The following PPP4R2 variants were observed in gnomAD, a reference collection of about 807,000 sequenced individuals.
PPP4R2 encodes the protein protein phosphatase 4 regulatory subunit 2.
Under a neutral mutation model 47.2 loss-of-function variants are expected in PPP4R2, and 13 were observed. The ratio of observed to expected loss-of-function variants is 0.28; its 90% confidence interval spans 0.18 to 0.44. The LOEUF is 0.44. PPP4R2 is among the 20% of genes least tolerant of loss of function. The pLI is 1.00. For missense variants in PPP4R2, 421 were observed against 491.2 expected (o/e 0.86, Z 1.35); for synonymous variants, 151 against 163.3 (o/e 0.92, Z 0.57).
chr3:73,051,774 C>T (rs889507791), intron 3 of PPP4R2, among the ~76,000 whole-genome samples: 15 of 152,034 alleles, frequency 9.9e-5, no homozygotes, highest in Admixed American at 2.0e-4. Flanking sequence ...TACAGGCACC[C>T]GCCACCACGC....
At chr3:73,020,817 C>T (rs374538239) in intron 2 of PPP4R2, among the ~76,000 whole-genome samples, 5 of 151,918 alleles carry the variant, frequency 3.3e-5, no homozygotes, top group African/African-American at 7.3e-5. Flanking sequence ...TGTGATCTAC[C>T]GTGCCTGGTG....
chr3:73,038,557 G>T (rs1047503372), intron 2 of PPP4R2, among the ~76,000 whole-genome samples: 5 of 151,918 alleles, frequency 3.3e-5, no homozygotes, highest in African/African-American at 1.2e-4. Context: ...CACCAAGCCT[G>T]GCTAATTTTT....
Position 73,015,406 on chromosome 3 carries a change from G to GC in PPP4R2, c.116+17250dup, listed in dbSNP as rs554867784. On this transcript the variant is annotated intron_variant, in intron 2 of 8. Coordinates refer to ENST00000356692, the MANE Select transcript of PPP4R2 (RefSeq NM_174907.4). ...TGGCCATGCTGGTCTTGAACTCCTG[G>GC]CCTCAAGTAATCCACCCGCGTTGGC... Among the ~76,000 whole-genome samples, 40 of 151,642 alleles carry GC rather than the reference G, an allele frequency of 2.6e-4. No individual in the cohort carries two copies. In the East Asian group the frequency reaches 7.6e-3, roughly 29 times the overall value.
At chr3:73,001,137 A>C (rs1388236438) in intron 2 of PPP4R2, among the ~76,000 whole-genome samples, 1 of 152,186 alleles carries the variant, frequency 6.6e-6, no homozygotes, top group Non-Finnish European at 1.5e-5. Context: ...ATGGCATTTC[A>C]AGACTACAAT....
intron 6 of PPP4R2, 75 bp downstream of exon 6, chr3:73,063,822 T>A: frequency 8.1e-7 from 1 of 1,230,232 alleles, no homozygotes; most frequent in South Asian, 1.3e-5. Flanking sequence ...GTGTACTTTT[T>A]AAAAATTGGG....
At chr3:73,061,226 T>C in intron 5 of PPP4R2, 166 bp downstream of exon 5, 1 of 337,752 alleles carries the variant, frequency 3.0e-6, no homozygotes, top group Non-Finnish European at 5.2e-6. Context: ...ATATTACTAA[T>C]AACATTATCT....
intron 2 of PPP4R2, among the ~76,000 whole-genome samples, chr3:73,045,910 A>G (rs1040827560): frequency 2.6e-5 from 4 of 152,152 alleles, no homozygotes; most frequent in Non-Finnish European, 5.9e-5. Flanking sequence ...AAATAAAGGT[A>G]TTGTTCTTTG....
intron 2 of PPP4R2, among the ~76,000 whole-genome samples, chr3:73,022,993 G>A (rs1180515797): frequency 6.6e-6 from 1 of 152,058 alleles, no homozygotes; most frequent in East Asian, 1.9e-4. Flanking sequence ...AGACAGTTTA[G>A]TATGTTGCTT....
chr3:73,059,701 G>A (rs1301880733), intron 4 of PPP4R2, among the ~76,000 whole-genome samples: 1 of 152,068 alleles, frequency 6.6e-6, no homozygotes, highest in Non-Finnish European at 1.5e-5. Flanking sequence ...CACTTTGGGA[G>A]GCTGAGGTGG....
intron 2 of PPP4R2, among the ~76,000 whole-genome samples, chr3:73,003,922 A>T (rs1403547286): frequency 6.6e-6 from 1 of 151,504 alleles, no homozygotes; most frequent in Non-Finnish European, 1.5e-5. Flanking sequence ...CTGGTCTCGA[A>T]CTCCTGACCT....
chr3:73,062,512 G>C (rs188731444), intron 5 of PPP4R2: 2 of 1,613,860 alleles, frequency 1.2e-6, no homozygotes, highest in Non-Finnish European at 1.7e-6. Flanking sequence ...CTGAGTGTTG[G>C]TGTGAGCAAG....
At chr3:73,048,097 G>C (rs919530881) in intron 3 of PPP4R2, among the ~76,000 whole-genome samples, 3 of 151,970 alleles carry the variant, frequency 2.0e-5, no homozygotes, top group South Asian at 4.2e-4. Context: ...GGATGGTCTC[G>C]ATCTCCTGAC....
chr3:73,003,670 TAATTG>T (rs1701532599), intron 2 of PPP4R2, among the ~76,000 whole-genome samples: 1 of 151,446 alleles, frequency 6.6e-6, no homozygotes, highest in Admixed American at 6.6e-5. Context: ...GAAAAGCGGC[TAATTG>T]AAACAATATT....
intron 3 of PPP4R2, among the ~76,000 whole-genome samples, chr3:73,054,223 C>T (rs539461667): frequency 9.9e-5 from 15 of 152,248 alleles, no homozygotes; most frequent in Admixed American, 6.5e-4. Flanking sequence ...CAGCTAATTT[C>T]GCCTCTTTTA....
chr3:73,047,898 A>G (rs909380252), intron 3 of PPP4R2, among the ~76,000 whole-genome samples: 18 of 152,174 alleles, frequency 1.2e-4, no homozygotes, highest in African/African-American at 4.3e-4. Context: ...TGTTTTTGAG[A>G]AGGTGTCTCG....
intron 2 of PPP4R2, among the ~76,000 whole-genome samples, chr3:73,018,761 T>C (rs1475879954): frequency 6.6e-6 from 1 of 152,204 alleles, no homozygotes; most frequent in African/African-American, 2.4e-5. Flanking sequence ...ATGTTCTTCC[T>C]TATGGGATAC....
intron 3 of PPP4R2, among the ~76,000 whole-genome samples, chr3:73,048,664 A>G (rs1031967829): frequency 2.6e-5 from 4 of 152,252 alleles, no homozygotes; most frequent in Non-Finnish European, 4.4e-5. Context: ...AACAATACCA[A>G]ATATAATGAA....
chr3:73,035,731 TCTC>T (rs958432732), intron 2 of PPP4R2, among the ~76,000 whole-genome samples: 18 of 152,028 alleles, frequency 1.2e-4, no homozygotes, highest in Non-Finnish European at 2.4e-4. Context: ...TTCAAGTGAT[TCTC>T]CTGCTTCGGC....
At chr3:73,062,446 T>G in intron 5 of PPP4R2, 1 of 1,612,100 alleles carries the variant, frequency 6.2e-7, no homozygotes, top group Non-Finnish European at 8.5e-7. Context: ...TTCCACCCTG[T>G]GACCCCAAGT....
Sources: allele counts gnomAD v4.1 joint callset (sites outside exome capture counted in the v4.1 genomes callset), GRCh38; gene constraint gnomAD v4.1.1; transcripts MANE v1.5; gene names NCBI Gene and HGNC (gene_info 2026-07-23, HGNC 2026-07-21).